DPH6: variants seen among roughly 807,000 people sequenced by gnomAD.
DPH6 encodes diphthine--ammonia ligase.
Under a neutral mutation model 38.2 loss-of-function variants are expected in DPH6, and 33 were observed. The observed-to-expected ratio is 0.86, with a 90% CI of 0.65 to 1.15. The LOEUF (loss-of-function observed/expected upper bound fraction) is 1.15. DPH6 is among the 50% of genes most tolerant of loss of function. The pLI is 0.00. For synonymous variants in DPH6, 108 were observed against 103.0 expected (o/e 1.05, Z -0.30); for missense variants, 325 against 320.0 (o/e 1.02, Z -0.12).
chr15:35,259,848 G>A (rs979090821), intron 3 of DPH6, among the ~76,000 whole-genome samples: 2 of 152,118 alleles, frequency 1.3e-5, no homozygotes, highest in Non-Finnish European at 2.9e-5. Flanking sequence ...TGTTGAACAC[G>A]ACAAATTGGA....
At chr15:35,419,470 T>C (rs2053477959) in intron 5 of DPH6, among the ~76,000 whole-genome samples, 1 of 152,106 alleles carries the variant, frequency 6.6e-6, no homozygotes, top group African/African-American at 2.4e-5. Flanking sequence ...TGAATGTAAA[T>C]GTTTTAAATT....
chr15:35,447,775 T>C (rs1049300235), intron 5 of DPH6, among the ~76,000 whole-genome samples: 1 of 151,932 alleles, frequency 6.6e-6, no homozygotes, highest in Non-Finnish European at 1.5e-5. Flanking sequence ...AACTCGAGCC[T>C]AGGACCATTG....
intron 3 of DPH6, among the ~76,000 whole-genome samples, chr15:35,503,624 T>C (rs2054655551): frequency 6.6e-6 from 1 of 152,162 alleles, no homozygotes; most frequent in Non-Finnish European, 1.5e-5. Context: ...TTTCCAAATC[T>C]TCCTGGATCT....
chr15:35,276,670 G>C (rs2051861221), intron 3 of DPH6, among the ~76,000 whole-genome samples: 2 of 152,136 alleles, frequency 1.3e-5, no homozygotes, highest in South Asian at 4.1e-4. Context: ...AATTATCCCA[G>C]CACAATTTGT....
chr15:35,430,735 C>A (rs1249441140), intron 5 of DPH6, among the ~76,000 whole-genome samples: 2 of 152,108 alleles, frequency 1.3e-5, no homozygotes, highest in African/African-American at 4.8e-5. Flanking sequence ...ACTATAAATG[C>A]ATTTCCTGTA....
At chr15:35,344,618 T>C (rs1566875633) in intron 3 of DPH6, among the ~76,000 whole-genome samples, 2 of 151,738 alleles carry the variant, frequency 1.3e-5, no homozygotes. Flanking sequence ...AAAAAAAGAG[T>C]AAAATAGCAT....
At chr15:35,387,881 T>C (rs2052992545) in intron 6 of DPH6, among the ~76,000 whole-genome samples, 1 of 152,180 alleles carries the variant, frequency 6.6e-6, no homozygotes, top group Non-Finnish European at 1.5e-5. Flanking sequence ...AACATTATGT[T>C]GAATAGGAGT....
chr15:35,299,251 C>T (rs1267745949), intron 3 of DPH6: 3 of 1,117,420 alleles, frequency 2.7e-6, no homozygotes, highest in Non-Finnish European at 2.7e-6. Flanking sequence ...ACAATTTGCC[C>T]GGTCATCTGA....
chr15:35,161,091 G>A, the DPH6 span, among the ~76,000 whole-genome samples: 1 of 151,918 alleles, frequency 6.6e-6, no homozygotes. Flanking sequence ...GTATACATAT[G>A]TAACAAACCT....
intron 6 of DPH6, among the ~76,000 whole-genome samples, chr15:35,397,867 A>ATATACACACACG (rs1256778321): frequency 9.1e-6 from 1 of 109,764 alleles, no homozygotes; most frequent in African/African-American, 3.9e-5. Flanking sequence ...ATTTATATAT[A>ATATACACACACG]TACACACACA....
intron 5 of DPH6, among the ~76,000 whole-genome samples, chr15:35,445,950 T>C (rs1473641007): frequency 2.0e-5 from 3 of 152,232 alleles, no homozygotes; most frequent in Non-Finnish European, 4.4e-5. Context: ...CTAGTGGTTC[T>C]TGCATATATT....
chr15:35,488,382 T>A (rs1371115439), intron 3 of DPH6, among the ~76,000 whole-genome samples: 2 of 152,208 alleles, frequency 1.3e-5, no homozygotes, highest in African/African-American at 4.8e-5. Context: ...CATGGTAATT[T>A]ATGAAGAAAA....
intron 3 of DPH6, among the ~76,000 whole-genome samples, chr15:35,292,078 A>G (rs778442607): frequency 2.4e-4 from 37 of 152,134 alleles, no homozygotes; most frequent in Non-Finnish European, 5.1e-4. Flanking sequence ...GAGCCCTAAA[A>G]GGAGAAGTAG....
At chr15:35,461,558 C>T (rs2054066854) in intron 3 of DPH6, among the ~76,000 whole-genome samples, 1 of 149,796 alleles carries the variant, frequency 6.7e-6, no homozygotes, top group African/African-American at 2.5e-5. Context: ...CTTTTAAATA[C>T]AATGAAAGAA....
At chr15:35,410,701 A>G in intron 6 of DPH6, 134 bp downstream of exon 6, 1 of 691,300 alleles carries the variant, frequency 1.4e-6, no homozygotes. Flanking sequence ...TTGAAGTTTA[A>G]TTTTTTCATA....
intron 6 of DPH6, among the ~76,000 whole-genome samples, chr15:35,390,746 A>C (rs1431122134): frequency 4.7e-5 from 7 of 149,870 alleles, no homozygotes; most frequent in Non-Finnish European, 8.9e-5. Flanking sequence ...GATTTGTCTA[A>C]TTTTTTTTCA....
chr15:35,145,104 A>C, the DPH6 span, among the ~76,000 whole-genome samples: 96,508 of 151,980 alleles, frequency 0.64, 31,299 homozygotes, highest in Middle Eastern at 0.74. Flanking sequence ...TTATTGATTA[A>C]AATAAGTATT....
At chr15:35,258,910 C>T (rs761317747) in intron 3 of DPH6, among the ~76,000 whole-genome samples, 3 of 151,950 alleles carry the variant, frequency 2.0e-5, no homozygotes, top group East Asian at 1.9e-4. Context: ...GCACTTTGGG[C>T]GGCCAAGATG....
At chr15:35,407,425 A>T (rs2053309179) in intron 6 of DPH6, among the ~76,000 whole-genome samples, 1 of 151,986 alleles carries the variant, frequency 6.6e-6, no homozygotes, top group Admixed American at 6.6e-5. Flanking sequence ...TCAATAATTT[A>T]AAAATGAGAT....
Sources: allele counts gnomAD v4.1 joint callset (sites outside exome capture counted in the v4.1 genomes callset), GRCh38; gene constraint gnomAD v4.1.1; transcripts MANE v1.5; gene names NCBI Gene and HGNC (gene_info 2026-07-23, HGNC 2026-07-21).